The following CLRN2 variants were observed in gnomAD, a reference collection of about 807,000 sequenced individuals.
CLRN2 encodes the protein clarin-2.
Under a neutral mutation model 20.1 loss-of-function variants are expected in CLRN2, and 17 were observed. The observed-to-expected ratio is 0.85, with a 90% confidence interval of 0.58 to 1.27. The LOEUF is 1.27. Ranked by LOEUF, CLRN2 falls within the 50% of genes most tolerant of loss-of-function variation. The probability of loss-of-function intolerance (pLI) is 0.00; values close to 1 mark genes in which losing one functional copy is unlikely to be tolerated. For synonymous variants in CLRN2, 140 were observed against 126.9 expected, an observed-to-expected ratio of 1.10 and a Z score of -0.70; for missense variants, 288 against 299.5, an observed-to-expected ratio of 0.96 and a Z score of 0.28.
chr4:17,525,357 C>T (rs1401749653), intron 2 of CLRN2, among the ~76,000 whole-genome samples: 1 of 152,114 alleles, frequency 6.6e-6, no homozygotes, highest in African/African-American at 2.4e-5. Context: ...TGCTGTAAGC[C>T]TGGCACGGTG....
chr4:17,523,976 T>G (rs540129467), intron 2 of CLRN2, among the ~76,000 whole-genome samples: 15 of 151,894 alleles, frequency 9.9e-5, no homozygotes, highest in African/African-American at 3.6e-4. Flanking sequence ...AGATTTTGCA[T>G]GCATTGCTTC....
rs1041789323 is a variant in CLRN2 at position 17,515,499 on chromosome 4, G to A, written c.233G>A (p.Gly78Asp). 6.2e-6 allele frequency: 10 copies of A among 1,613,748 alleles called. No homozygotes were observed. The highest frequency in any genetic ancestry group is 5.3e-5 in the African/African-American group (4 of 74,910). Residue 78 changes from glycine to aspartate, a missense_variant, in exon 1 of 3, where the codon GGC becomes GAC. Gly to Asp is a moderately conservative substitution (Grantham distance 94, BLOSUM62 -1). Transcript: ENST00000511148. The part of the protein sequence containing the change: ...GCKVRQCGLG[G>D]RQSQFTIFPH... ...AAAGTGCGGCAGTGTGGGCTTGGGGGCCGCCAATCCCAATTCACGAGTGAG... is the reference window on the plus strand; with the variant it reads ...AAAGTGCGGCAGTGTGGGCTTGGGGACCGCCAATCCCAATTCACGAGTGAG...
rs751870097 is a variant in CLRN2, at chr4:17,515,307, C to A, written c.41C>A (p.Ser14Tyr). ...WFKKAWYGLA[S>Y]LLSFSSFILI... is the part of the protein sequence containing the mutation. ...AAAAAGGCGTGGTATGGGCTGGCGT[C>A]TTTACTCAGCTTCTCCTCCTTCATC... Residue 14 changes from serine (S) to tyrosine (Y), a missense_variant, in exon 1 of 3, where the codon TCT (serine) becomes TAT (tyrosine). Physicochemically the swap from Ser to Tyr is moderately radical, Grantham distance 144 (BLOSUM62 -2). Coordinates refer to ENST00000511148, the MANE Select transcript of CLRN2 (RefSeq NM_001079827.2). 14 of 1,613,918 alleles carry A rather than the reference C, an allele frequency of 8.7e-6. No homozygotes were observed. The South Asian group carries it at 1.5e-4, about 18-fold the overall frequency.
intron 1 of CLRN2, 80 bp from the exon 2 acceptor site, chr4:17,522,784 T>C: frequency 2.7e-6 from 4 of 1,499,696 alleles, no homozygotes; most frequent in Non-Finnish European, 3.6e-6. Context: ...TGTCGAAGCC[T>C]TCGTGGTAAG....
chr4:17,517,726 C>T (rs1711715019), intron 1 of CLRN2, among the ~76,000 whole-genome samples: 1 of 152,082 alleles, frequency 6.6e-6, no homozygotes, highest in Non-Finnish European at 1.5e-5. Context: ...TATTCTTGTC[C>T]CTGAGTAGGA....
At chr4:17,523,733 C>T (rs36027619) in intron 2 of CLRN2, among the ~76,000 whole-genome samples, 15,278 of 148,654 alleles carry the variant, frequency 0.1, 953 homozygotes, top group South Asian at 0.14. Flanking sequence ...AGAGGCCATT[C>T]GTGAAAGGCT....
chr4:17,515,217 T>C lies in CLRN2; in HGVS notation c.-50T>C, dbSNP rs2109000769. ...TTGCCGAGTATCTGAAAGATGTCAA[T>C]GACCCTCGCTGCTGCTCGGAGACCT... is the stretch of plus-strand genomic sequence containing the variant. On this transcript the variant is annotated 5_prime_UTR_variant, in exon 1 of 3. An upstream start codon of the reference 5' UTR is lost. Coordinates refer to ENST00000511148, the MANE Select transcript of CLRN2 (RefSeq NM_001079827.2). The C allele has an allele frequency of 6.3e-7, 1 of 1,596,016 alleles. No homozygotes were observed. The highest frequency in any genetic ancestry group is 2.2e-5 in the East Asian group (1 of 44,684).
Position 17,515,406 on chromosome 4 carries a change from T to C in CLRN2, c.140T>C (p.Val47Ala), listed in dbSNP as rs759631914. ...CTTTGTCAGACTGGAGTGGATCTGG[T>C]CAACGCCACAGACAGAGAGCTGGTC... ...KILCQTGVDL[V>A]NATDRELVKF... Residue 47 changes from valine to alanine, a missense_variant, in exon 1 of 3, where the codon GTC becomes GCC. Physicochemically the swap from Val to Ala is moderately conservative, Grantham distance 64. Transcript: ENST00000511148. The C allele has an allele frequency of 6.2e-7, 1 of 1,613,962 alleles. No individual in the cohort carries two copies. The highest frequency in any genetic ancestry group is 8.5e-7 in the Non-Finnish European group (1 of 1,179,882).
chr4:17,526,938 T>C lies in CLRN2; in HGVS notation c.555T>C (p.Tyr185=), dbSNP rs180817213. ...LFQFVVVEEQ[Y]EESFWICVAS... Reference sequence around the variant, plus strand: ...AGTTTGTGGTGGTGGAAGAACAGTATGAAGAGTCGTTTTGGATCTGCGTGG... The same window carrying C: ...AGTTTGTGGTGGTGGAAGAACAGTACGAAGAGTCGTTTTGGATCTGCGTGG... The change falls in exon 3 of 3, where the codon TAT becomes TAC. Residue 185 remains tyrosine (Y), a synonymous_variant. Transcript: ENST00000511148. The C allele has an allele frequency of 2.0e-3, 3,166 of 1,614,020 alleles. 5 individuals are homozygous for C. Among genetic ancestry groups the C allele is most frequent in the Non-Finnish European group, 2.6e-3 (3,023 of 1,179,892 alleles).
intron 1 of CLRN2, among the ~76,000 whole-genome samples, chr4:17,519,871 T>C (rs1160521051): frequency 6.6e-6 from 1 of 152,150 alleles, no homozygotes; most frequent in Admixed American, 6.5e-5. Flanking sequence ...TTTTCTTCTT[T>C]TTTAAAAAAT....
At position 17,518,959 on chromosome 4, in the gene CLRN2, G is replaced by A. The variant is rs148452831; in HGVS notation, c.253+3440G>A. Among the ~76,000 whole-genome samples, 749 of 152,156 alleles carry A rather than the reference G, an allele frequency of 4.9e-3. 4 individuals carry two copies. Among genetic ancestry groups the A allele is most frequent in the African/African-American group, 0.017 (690 of 41,500 alleles). On this transcript the variant is annotated intron_variant, in intron 1 of 2. Coordinates refer to ENST00000511148, the MANE Select transcript of CLRN2 (RefSeq NM_001079827.2). Reference sequence around the variant, plus strand: ...GAGGAAATTAGAGACCAGAGAAATCGATACATAAAATAATTTCTTTAAAAG... The same window carrying A: ...GAGGAAATTAGAGACCAGAGAAATCAATACATAAAATAATTTCTTTAAAAG...
intron 1 of CLRN2, among the ~76,000 whole-genome samples, chr4:17,520,053 T>C (rs1711798266): frequency 6.6e-6 from 1 of 152,174 alleles, no homozygotes; most frequent in South Asian, 2.1e-4. Context: ...ATAAAATCTC[T>C]ATTAAACATG....
rs763349793 is a variant in CLRN2, at chr4:17,515,304, C to T, written c.38C>T (p.Ala13Val). 6 of 1,613,972 alleles carry T rather than the reference C, an allele frequency of 3.7e-6. No homozygotes were observed. The highest frequency in any genetic ancestry group is 2.2e-5 in the East Asian group (1 of 44,880). ...GWFKKAWYGL[A>V]SLLSFSSFIL... Reference sequence around the variant, plus strand: ...TTCAAAAAGGCGTGGTATGGGCTGGCGTCTTTACTCAGCTTCTCCTCCTTC... The same window carrying T: ...TTCAAAAAGGCGTGGTATGGGCTGGTGTCTTTACTCAGCTTCTCCTCCTTC... The change falls in exon 1 of 3, where the codon GCG (alanine) becomes GTG (valine). Residue 13 changes from alanine (A) to valine (V), a missense_variant. Physicochemically the swap from Ala to Val is moderately conservative, Grantham distance 64. Coordinates refer to ENST00000511148, the MANE Select transcript of CLRN2 (RefSeq NM_001079827.2).
intron 2 of CLRN2, among the ~76,000 whole-genome samples, chr4:17,524,193 A>G (rs1711901531): frequency 8.6e-6 from 1 of 116,318 alleles, no homozygotes; most frequent in Non-Finnish European, 1.8e-5. Context: ...TTCCAAGCCA[A>G]AAACTACAAG....
intron 1 of CLRN2, among the ~76,000 whole-genome samples, chr4:17,521,177 G>C (rs895686435): frequency 1.3e-5 from 2 of 152,190 alleles, no homozygotes; most frequent in African/African-American, 4.8e-5. Context: ...CTGGAAAGGA[G>C]CTCATCTTCC....
rs957949390 is a variant in CLRN2 at position 17,522,825 on chromosome 4, C to T, written c.254-39C>T. The T allele has an allele frequency of 1.9e-6, 3 of 1,597,462 alleles. No individual in the cohort carries two copies. The African/African-American group carries it at 4.0e-5, about 21-fold the overall frequency. On this transcript the variant is annotated intron_variant, in intron 1 of 2. Coordinates refer to ENST00000511148, the MANE Select transcript of CLRN2 (RefSeq NM_001079827.2). ...TTGGACTTCATGAAAGTGAGTCTAACTCTGACATTGAAATAGTGGCTGTGT... is the reference window on the plus strand; with the variant it reads ...TTGGACTTCATGAAAGTGAGTCTAATTCTGACATTGAAATAGTGGCTGTGT...
At position 17,515,474 on chromosome 4, in the gene CLRN2, A is replaced by G. The variant is rs1222725538; in HGVS notation, c.208A>G (p.Lys70Glu). Reference protein sequence around the residue: ...DIYYGLFRGCKVRQCGLGGRQ... With the variant: ...DIYYGLFRGCEVRQCGLGGRQ... ...TTACTACGGGCTCTTCCGAGGGTGT[A>G]AAGTGCGGCAGTGTGGGCTTGGGGG... is the stretch of plus-strand genomic sequence containing the variant. The change falls in exon 1 of 3, where the codon AAA becomes GAA. Residue 70 changes from lysine (K) to glutamate (E), a missense_variant. By Grantham distance (56) the Lys-to-Glu change is moderately conservative (BLOSUM62 1). Transcript: ENST00000511148. 3.1e-6 allele frequency: 5 copies of G among 1,613,966 alleles called. No individual in the cohort carries two copies. In the East Asian group the frequency reaches 8.9e-5, roughly 29 times the overall value.
chr4:17,523,109 G>A (rs1431807075), intron 2 of CLRN2, 66 bp downstream of exon 2: 2 of 1,408,924 alleles, frequency 1.4e-6, no homozygotes, highest in African/African-American at 2.8e-5. Flanking sequence ...CCAAGTAGTT[G>A]GGCAGAAGGT....
At chr4:17,522,635 T>C (rs1711861322) in intron 1 of CLRN2, among the ~76,000 whole-genome samples, 1 of 152,140 alleles carries the variant, frequency 6.6e-6, no homozygotes, top group East Asian at 1.9e-4. Flanking sequence ...CCAGGGCATA[T>C]TTTGATTTTG....
Sources: gnomAD v4.1 joint callset for allele counts (sites outside exome capture counted in the v4.1 genomes callset) on GRCh38, gnomAD v4.1.1 for gene constraint, MANE v1.5 for transcripts, NCBI Gene and HGNC (gene_info 2026-07-23, HGNC 2026-07-21) for gene names.